The following SPMIP4 variants were observed in gnomAD, a reference collection of about 807,000 sequenced individuals.
The protein encoded by SPMIP4 is sperm-associated microtubule inner protein 4.
the SPMIP4 span, among the ~76,000 whole-genome samples, chr7:25,168,882 C>T: frequency 6.6e-6 from 1 of 151,836 alleles, no homozygotes; most frequent in Non-Finnish European, 1.5e-5. Flanking sequence ...CGTGCCATCA[C>T]ACCCGGGTAA....
At chr7:25,142,889 G>C in the SPMIP4 span, 8 of 1,147,572 alleles carry the variant, frequency 7.0e-6, no homozygotes, top group South Asian at 1.8e-4. Flanking sequence ...ATCTCAGCAG[G>C]AAAGAGGCAA....
At chr7:25,150,890 T>C in the SPMIP4 span, among the ~76,000 whole-genome samples, 8 of 152,242 alleles carry the variant, frequency 5.3e-5, no homozygotes, top group Non-Finnish European at 7.3e-5. Context: ...ATGGTGGCTA[T>C]TGCTTTATTT....
the SPMIP4 span, chr7:25,168,316 T>C: frequency 1.9e-6 from 3 of 1,606,942 alleles, no homozygotes; most frequent in South Asian, 2.2e-5. Context: ...ACCAAATCCA[T>C]AATGCTGATG....
the SPMIP4 span, among the ~76,000 whole-genome samples, chr7:25,131,060 T>A: frequency 7.9e-5 from 12 of 152,130 alleles, no homozygotes; most frequent in Non-Finnish European, 1.5e-4. The surrounding 1 kb of genome is among the most constrained non-coding windows in gnomAD (Gnocchi z 4.2). Context: ...TTACTACCAC[T>A]CCCCTTCACG....
chr7:25,155,228 G>C, the SPMIP4 span: 4 of 1,483,158 alleles, frequency 2.7e-6, no homozygotes, highest in Non-Finnish European at 3.6e-6. Context: ...AAAATGAAAA[G>C]AACAGAAAGA....
At chr7:25,168,603 G>T in the SPMIP4 span, 2 of 692,466 alleles carry the variant, frequency 2.9e-6, no homozygotes, top group Non-Finnish European at 4.6e-6. Flanking sequence ...CTCAGTGTCA[G>T]GTAGATTATG....
chr7:25,166,156 C>T, the SPMIP4 span, among the ~76,000 whole-genome samples: 6 of 151,924 alleles, frequency 3.9e-5, no homozygotes, highest in East Asian at 3.9e-4. Flanking sequence ...TCCTGGATGC[C>T]GAACAATGAG....
At chr7:25,171,874 G>A in the SPMIP4 span, among the ~76,000 whole-genome samples, 1 of 152,194 alleles carries the variant, frequency 6.6e-6, no homozygotes, top group African/African-American at 2.4e-5. Flanking sequence ...TGTGGCCCCA[G>A]TTTGCATCTA....
chr7:25,162,636 A>G, the SPMIP4 span, among the ~76,000 whole-genome samples: 1 of 152,222 alleles, frequency 6.6e-6, no homozygotes, highest in South Asian at 2.1e-4. Flanking sequence ...TTGATAATAT[A>G]GATGGCCGGG....
chr7:25,150,918 C>G, the SPMIP4 span, among the ~76,000 whole-genome samples: 16 of 152,084 alleles, frequency 1.1e-4, no homozygotes, highest in Admixed American at 4.6e-4. Context: ...AACTTGACAC[C>G]AATATGATAA....
the SPMIP4 span, among the ~76,000 whole-genome samples, chr7:25,141,344 C>T: frequency 0.6 from 91,340 of 151,778 alleles, 28,568 homozygotes; most frequent in Non-Finnish European, 0.69. Context: ...GAGGCCGAGG[C>T]GGGCGAATCA....
the SPMIP4 span, among the ~76,000 whole-genome samples, chr7:25,153,577 A>AAG: frequency 6.6e-6 from 1 of 151,704 alleles, no homozygotes; most frequent in African/African-American, 2.4e-5. Flanking sequence ...AAAAAAAAAA[A>AAG]GTGTTGTTAT....
the SPMIP4 span, among the ~76,000 whole-genome samples, chr7:25,127,882 C>G: frequency 6.6e-6 from 1 of 152,190 alleles, no homozygotes; most frequent in Non-Finnish European, 1.5e-5. Flanking sequence ...GTGTTGTGAT[C>G]TAAGTCTTTG....
the SPMIP4 span, among the ~76,000 whole-genome samples, chr7:25,172,725 G>C: frequency 9.2e-5 from 14 of 152,260 alleles, no homozygotes; most frequent in South Asian, 6.2e-4. The surrounding 1 kb of genome is among the most constrained non-coding windows in gnomAD (Gnocchi z 4.2). Context: ...AATTCCACAA[G>C]GCATGGAGTA....
the SPMIP4 span, among the ~76,000 whole-genome samples, chr7:25,131,840 T>C: frequency 6.6e-6 from 1 of 152,176 alleles, no homozygotes; most frequent in South Asian, 2.1e-4. This position sits in a 1 kb window ranked among gnomAD's most constrained non-coding sequence, Gnocchi z 4.2. Flanking sequence ...GCAGGAACAA[T>C]GGCAAGCCTT....
At chr7:25,135,007 G>A in the SPMIP4 span, 268 of 834,852 alleles carry the variant, frequency 3.2e-4, 1 homozygote, top group Non-Finnish European at 3.8e-4. Flanking sequence ...ACAACCAAAT[G>A]ACATGTTGGT....
chr7:25,158,482 A>G, the SPMIP4 span: 1 of 1,595,290 alleles, frequency 6.3e-7, no homozygotes, highest in Non-Finnish European at 8.6e-7. Context: ...GAGAAGGAAA[A>G]TATAAGTTAT....
the SPMIP4 span, among the ~76,000 whole-genome samples, chr7:25,133,416 A>G: frequency 2.0e-5 from 3 of 152,244 alleles, no homozygotes; most frequent in East Asian, 5.8e-4. Flanking sequence ...TTGTTCAACC[A>G]TCTCTAAGCA....
At chr7:25,168,213 A>C in the SPMIP4 span, 1 of 1,299,510 alleles carries the variant, frequency 7.7e-7, no homozygotes, top group Non-Finnish European at 1.1e-6. Context: ...GATTTAAGCA[A>C]ACAAAGGACT....
Sources: allele counts gnomAD v4.1 joint callset (sites outside exome capture counted in the v4.1 genomes callset), GRCh38; gene constraint gnomAD v4.1.1; non-coding constraint Gnocchi (gnomAD v3.1); transcripts MANE v1.5; gene names NCBI Gene and HGNC (gene_info 2026-07-23, HGNC 2026-07-21).